FRAS1: variants seen among roughly 807,000 people sequenced by gnomAD.
FRAS1 encodes extracellular matrix organizing protein FRAS1.
Under a neutral mutation model 435.2 loss-of-function variants are expected in FRAS1, and 290 were observed. That is an observed-to-expected ratio of 0.67 (90% CI 0.61 to 0.73). The LOEUF (loss-of-function observed/expected upper bound fraction) is 0.73. Among genes scored for constraint, FRAS1 ranks in the 30% least tolerant of loss-of-function variants. FRAS1 has a pLI of 0.00. For synonymous variants in FRAS1, 1,800 were observed against 1,851.0 expected (o/e 0.97, Z 0.71); for missense variants, 4,860 against 5,001.5 (o/e 0.97, Z 0.85).
chr4:78,081,643 C>CA (rs1740901835), intron 2 of FRAS1, among the ~76,000 whole-genome samples: 1 of 152,218 alleles, frequency 6.6e-6, no homozygotes, highest in African/African-American at 2.4e-5. Context: ...CTAGCTTTCC[C>CA]AGCCCCTCTG....
intron 70 of FRAS1, among the ~76,000 whole-genome samples, chr4:78,530,880 T>C (rs1385787681): frequency 3.3e-5 from 5 of 152,192 alleles, no homozygotes; most frequent in Non-Finnish European, 7.3e-5. Context: ...GTGAAGAAAG[T>C]CCGTTTGTAG....
At chr4:78,399,085 T>A (rs1057463183) in intron 29 of FRAS1, among the ~76,000 whole-genome samples, 1 of 152,238 alleles carries the variant, frequency 6.6e-6, no homozygotes, top group Non-Finnish European at 1.5e-5. Flanking sequence ...AAAGTTTTTT[T>A]TACACGTTTT....
chr4:78,100,509 T>C (rs912051000), intron 2 of FRAS1, among the ~76,000 whole-genome samples: 1 of 152,256 alleles, frequency 6.6e-6, no homozygotes, highest in African/African-American at 2.4e-5. Flanking sequence ...GCTCTTTTGC[T>C]TTAATAATAC....
chr4:78,298,028 C>CTATATATA (rs1307535540), intron 14 of FRAS1, among the ~76,000 whole-genome samples: 5 of 101,990 alleles, frequency 4.9e-5, no homozygotes, highest in Non-Finnish European at 8.0e-5. Flanking sequence ...CTCTCTCTCT[C>CTATATATA]TCTATATATA....
At chr4:78,525,339 T>G (rs1311443287) in intron 69 of FRAS1, among the ~76,000 whole-genome samples, 3 of 152,210 alleles carry the variant, frequency 2.0e-5, no homozygotes, top group Non-Finnish European at 2.9e-5. Flanking sequence ...TTCCTGCTGA[T>G]CCAAGCTTTG....
intron 14 of FRAS1, among the ~76,000 whole-genome samples, chr4:78,307,177 G>C (rs976596266): frequency 6.6e-6 from 1 of 152,168 alleles, no homozygotes; most frequent in African/African-American, 2.4e-5. Context: ...TAGGCTGCTC[G>C]GGGGTCAGAG....
rs749295873 is a variant in FRAS1 at position 78,475,596 on chromosome 4, A to T, written c.7841A>T (p.Tyr2614Phe). The change falls in exon 54 of 74, where the codon TAT becomes TTT. Residue 2614 changes from tyrosine to phenylalanine, a missense_variant. Physicochemically the swap from Tyr to Phe is conservative, Grantham distance 22. Transcript: ENST00000512123. ...CCTGGGCAACAGGACTATGTAGAGT[A>T]TGCTGGCCAGGTAGGTGGGGTAGTG... ...SQPGQQDYVEYAGQVQFDERE... is the reference protein window; with the variant it reads ...SQPGQQDYVEFAGQVQFDERE... 3.8e-6 allele frequency: 6 copies of T among 1,580,114 alleles called. No homozygotes were observed. In the Admixed American group the frequency reaches 6.8e-5, roughly 18 times the overall value.
chr4:78,204,444 C>T (rs553040038), intron 2 of FRAS1, among the ~76,000 whole-genome samples: 1 of 152,184 alleles, frequency 6.6e-6, no homozygotes, highest in East Asian at 1.9e-4. Flanking sequence ...AGCTAATCTC[C>T]ATTCATACAG....
intron 47 of FRAS1, among the ~76,000 whole-genome samples, chr4:78,457,639 A>AC (rs1719244335): frequency 6.6e-6 from 1 of 152,230 alleles, no homozygotes; most frequent in African/African-American, 2.4e-5. Context: ...TCACCGACGT[A>AC]CCCACGAAAG....
chr4:78,111,912 A>G (rs528160755), intron 2 of FRAS1, among the ~76,000 whole-genome samples: 8 of 152,246 alleles, frequency 5.3e-5, no homozygotes, highest in South Asian at 4.1e-4. Flanking sequence ...CTGCAGCCAT[A>G]TTACACACTT....
chr4:78,464,140 A>G lies in FRAS1; in HGVS notation c.6883A>G (p.Ser2295Gly), dbSNP rs1407920129. The G allele has an allele frequency of 3.1e-6, 5 of 1,609,150 alleles. No individual in the cohort carries two copies. The East Asian group carries it at 8.9e-5, about 29-fold the overall frequency. Residue 2295 changes from serine to glycine, a missense_variant, in exon 48 of 74, where the codon AGT becomes GGT. By Grantham distance (56) the Ser-to-Gly change is moderately conservative. Transcript: ENST00000512123. Reference protein sequence around the residue: ...AFSFTLSDGVSEVTQTFHITL... With the variant: ...AFSFTLSDGVGEVTQTFHITL... ...CAGCTTTACACTGTCTGATGGAGTCAGTGAGGTAGGTGAGGCACTGAACTC... is the reference window on the plus strand; with the variant it reads ...CAGCTTTACACTGTCTGATGGAGTCGGTGAGGTAGGTGAGGCACTGAACTC...
rs771619387 is a variant in FRAS1 at position 78,496,959 on chromosome 4, A to T, written c.9113A>T (p.Asp3038Val). The T allele has an allele frequency of 6.2e-7, 1 of 1,611,578 alleles. No individual in the cohort carries two copies. The highest frequency in any genetic ancestry group is 8.5e-7 in the Non-Finnish European group (1 of 1,178,112). ...MATITISNDE[D>V]APTIEFEEAA... ...ACCATCACCATATCCAATGATGAAG[A>T]TGGTAACAGAAGAAATTATCTTTAG... Residue 3038 changes from aspartate to valine, a missense_variant and splice_region_variant, in exon 60 of 74, where the codon GAT becomes GTT. By Grantham distance (152) the Asp-to-Val change is radical. Transcript: ENST00000512123.
intron 2 of FRAS1, among the ~76,000 whole-genome samples, chr4:78,185,271 G>A (rs1486875948): frequency 1.3e-5 from 2 of 152,228 alleles, no homozygotes; most frequent in African/African-American, 4.8e-5. Context: ...TGAAAGGCAA[G>A]TCAACTGACT....
intron 29 of FRAS1, among the ~76,000 whole-genome samples, chr4:78,389,552 C>T (rs1165745628): frequency 6.6e-6 from 1 of 152,204 alleles, no homozygotes; most frequent in Non-Finnish European, 1.5e-5. Flanking sequence ...CAGATAGCCA[C>T]CTTGCAACTC....
chr4:78,460,755 A>G (rs1719346472), intron 47 of FRAS1, among the ~76,000 whole-genome samples: 1 of 151,970 alleles, frequency 6.6e-6, no homozygotes, highest in African/African-American at 2.4e-5. Flanking sequence ...GTAACATGAT[A>G]GTAAGTATTT....
intron 59 of FRAS1, among the ~76,000 whole-genome samples, chr4:78,494,291 C>T (rs1203657676): frequency 1.3e-5 from 2 of 151,928 alleles, no homozygotes; most frequent in South Asian, 2.1e-4. Context: ...ATGTCTTAGT[C>T]GATTTGCATT....
chr4:78,088,918 C>T (rs1455442524), intron 2 of FRAS1, among the ~76,000 whole-genome samples: 1 of 152,120 alleles, frequency 6.6e-6, no homozygotes, highest in Non-Finnish European at 1.5e-5. Context: ...ACCCAGCAAT[C>T]CCATTACTGG....
Position 78,299,887 on chromosome 4 carries a change from T to G in FRAS1, c.1535-8179T>G, listed in dbSNP as rs561434926. Among the ~76,000 whole-genome samples, 31 of 152,350 alleles carry G rather than the reference T, an allele frequency of 2.0e-4. No individual in the cohort carries two copies. In the South Asian group the frequency reaches 6.2e-3, roughly 31 times the overall value. On this transcript the variant is annotated intron_variant, in intron 14 of 73. Coordinates refer to ENST00000512123, the MANE Select transcript of FRAS1 (RefSeq NM_025074.7). The stretch of plus-strand genomic sequence containing the variant: ...CTAGGCAACAGAGTGTTCTAAGTGT[T>G]CCTGCAGCAGACCTCAGATAACCTG...
intron 59 of FRAS1, among the ~76,000 whole-genome samples, chr4:78,490,667 A>C (rs1264038328): frequency 6.6e-6 from 1 of 152,228 alleles, no homozygotes; most frequent in Non-Finnish European, 1.5e-5. Context: ...TTTAGAGGGA[A>C]ATTTATAGCA....
Sources: gnomAD v4.1 joint callset for allele counts (sites outside exome capture counted in the v4.1 genomes callset) on GRCh38, gnomAD v4.1.1 for gene constraint, MANE v1.5 for transcripts, NCBI Gene and HGNC (gene_info 2026-07-23, HGNC 2026-07-21) for gene names.